Variants in MAGI2 observed in about 807,000 individuals in gnomAD.
MAGI2 encodes membrane-associated guanylate kinase, WW and PDZ domain-containing protein 2.
In MAGI2, 35 loss-of-function variants were observed where a neutral mutation model predicts 133.3. That is an observed-to-expected ratio of 0.26 (90% CI 0.20 to 0.35). The LOEUF (loss-of-function observed/expected upper bound fraction) is 0.35, where lower values mean the gene tolerates loss of function less well. MAGI2 is among the 10% of genes least tolerant of loss of function. The pLI is 1.00. For missense variants in MAGI2, 1,636 were observed against 1,863.4 expected (o/e 0.88, Z 2.25); for synonymous variants, 729 against 710.6 (o/e 1.03, Z -0.41).
chr7:78,618,043 T>C (rs1807298557), intron 3 of MAGI2: 1 of 151,998 alleles, frequency 6.6e-6, no homozygotes, highest in African/African-American at 2.4e-5. Flanking sequence ...GGACATCAGG[T>C]TATAGCTTTC....
intron 20 of MAGI2, among the ~76,000 whole-genome samples, chr7:78,083,565 C>A (rs761561553): frequency 3.3e-5 from 5 of 152,182 alleles, no homozygotes; most frequent in Non-Finnish European, 7.3e-5. Context: ...TCTAAGCACT[C>A]ATTTTTTTCC....
At chr7:78,258,204 G>A (rs1181071703) in intron 9 of MAGI2, among the ~76,000 whole-genome samples, 4 of 152,046 alleles carry the variant, frequency 2.6e-5, no homozygotes, top group African/African-American at 4.8e-5. Context: ...GTGGGTCCAC[G>A]GCTCAGAACT....
chr7:79,385,199 C>CG (rs1844088882), intron 1 of MAGI2, among the ~76,000 whole-genome samples: 1 of 151,512 alleles, frequency 6.6e-6, no homozygotes, highest in South Asian at 2.1e-4. Context: ...GACTAGAAGG[C>CG]GGTAAGGTGA....
At chr7:78,441,097 T>G (rs1474921003) in intron 6 of MAGI2, among the ~76,000 whole-genome samples, 3 of 152,222 alleles carry the variant, frequency 2.0e-5, no homozygotes, top group African/African-American at 7.2e-5. Context: ...TTTGTAATTT[T>G]GAATTATAAT....
rs1800471418 is a variant in MAGI2 at position 78,935,877 on chromosome 7, T to C, written c.418+71213A>G. Among the ~76,000 whole-genome samples the C allele has an allele frequency of 2.0e-5, 3 of 152,124 alleles. No individual in the cohort carries two copies. The South Asian group carries it at 6.2e-4, about 31-fold the overall frequency. The stretch of plus-strand genomic sequence containing the variant: ...GGCCCTACATGTCACTGAGACATGT[T>C]ATAATGTTCCAGAATTGCCCATTAT... On this transcript the variant is annotated intron_variant, in intron 2 of 21. Coordinates refer to ENST00000354212, the MANE Select transcript of MAGI2 (RefSeq NM_012301.4).
At chr7:79,218,531 A>T (rs1284729503) in intron 1 of MAGI2, among the ~76,000 whole-genome samples, 1 of 152,094 alleles carries the variant, frequency 6.6e-6, no homozygotes, top group East Asian at 1.9e-4. Flanking sequence ...AACCAAAGTG[A>T]TACATGTAAA....
At chr7:79,137,160 G>C (rs971103034) in intron 1 of MAGI2, among the ~76,000 whole-genome samples, 4 of 152,076 alleles carry the variant, frequency 2.6e-5, no homozygotes, top group African/African-American at 9.7e-5. Context: ...GGACTTCCCT[G>C]CTAGAAGAAA....
rs1849405223 is a variant in MAGI2, at chr7:79,453,072, C to T, written c.249G>A (p.Leu83=). The change falls in exon 1 of 22, where the codon CTG becomes CTA. Residue 83 remains leucine (L), a synonymous_variant. Coordinates refer to ENST00000354212, the MANE Select transcript of MAGI2 (RefSeq NM_012301.4). The part of the protein sequence containing the change: ...PVAGLTIRDV[L]AVIKHCKDPL... ...GGTCCTTGCAGTGTTTGATCACGGC[C>T]AGCACGTCCCTGATGGTGAGCCCCG... 1 of 1,612,548 alleles carries T rather than the reference C, an allele frequency of 6.2e-7. No individual in the cohort carries two copies. Among genetic ancestry groups the T allele is most frequent in the Non-Finnish European group, 8.5e-7 (1 of 1,179,462 alleles).
At chr7:78,666,998 T>C (rs527253015) in intron 2 of MAGI2, among the ~76,000 whole-genome samples, 10 of 152,262 alleles carry the variant, frequency 6.6e-5, no homozygotes, top group Middle Eastern at 6.8e-3. Context: ...TTTTAACTCA[T>C]TGCAAACATA....
intron 1 of MAGI2, among the ~76,000 whole-genome samples, chr7:79,112,990 A>C (rs990717915): frequency 1.3e-5 from 2 of 152,248 alleles, no homozygotes; most frequent in African/African-American, 4.8e-5. Flanking sequence ...AATTAAAAAA[A>C]TAATTTTTAG....
At chr7:78,437,904 C>T (rs1350914758) in intron 6 of MAGI2, among the ~76,000 whole-genome samples, 1 of 152,108 alleles carries the variant, frequency 6.6e-6, no homozygotes, top group Non-Finnish European at 1.5e-5. Flanking sequence ...TCATTGACTG[C>T]ACCTAATGAA....
At chr7:79,350,318 A>C (rs1477343834) in intron 1 of MAGI2, among the ~76,000 whole-genome samples, 1 of 152,124 alleles carries the variant, frequency 6.6e-6, no homozygotes, top group Admixed American at 6.6e-5. Context: ...ATGATACAAC[A>C]GTTTTTAGAA....
chr7:78,305,591 T>C (rs1414492612), intron 9 of MAGI2, among the ~76,000 whole-genome samples: 1 of 152,182 alleles, frequency 6.6e-6, no homozygotes, highest in East Asian at 1.9e-4. Flanking sequence ...TTGGTCACCA[T>C]CTCAGAATTT....
intron 2 of MAGI2, among the ~76,000 whole-genome samples, chr7:78,901,816 A>G (rs2151593801): frequency 6.6e-6 from 1 of 152,334 alleles, no homozygotes; most frequent in South Asian, 2.1e-4. Context: ...GAAACAAGCA[A>G]TTCTTTGACA....
At chr7:79,256,219 AG>A (rs1439581048) in intron 1 of MAGI2, among the ~76,000 whole-genome samples, 1 of 152,172 alleles carries the variant, frequency 6.6e-6, no homozygotes, top group East Asian at 1.9e-4. Flanking sequence ...GACACAAACA[AG>A]TAAGGGATTT....
chr7:79,218,302 A>G (rs1157565438), intron 1 of MAGI2, among the ~76,000 whole-genome samples: 1 of 152,044 alleles, frequency 6.6e-6, no homozygotes, highest in Admixed American at 6.5e-5. Flanking sequence ...AGTACCAAGC[A>G]GAGCACCTAG....
intron 2 of MAGI2, among the ~76,000 whole-genome samples, chr7:78,853,117 T>A (rs1217395503): frequency 2.0e-5 from 3 of 151,904 alleles, no homozygotes; most frequent in Non-Finnish European, 2.9e-5. Flanking sequence ...GGGTCAAGAA[T>A]GCAGCAGGAG....
At chr7:79,445,736 A>C (rs1018230633) in intron 1 of MAGI2, among the ~76,000 whole-genome samples, 1 of 152,188 alleles carries the variant, frequency 6.6e-6, no homozygotes, top group African/African-American at 2.4e-5. Flanking sequence ...AACTAGTTCA[A>C]CCATTGTGGA....
chr7:78,659,792 G>A (rs1260566626), intron 2 of MAGI2, among the ~76,000 whole-genome samples: 1 of 151,958 alleles, frequency 6.6e-6, no homozygotes, highest in Non-Finnish European at 1.5e-5. Flanking sequence ...TGGACAACTG[G>A]GTAAAGGATA....
Sources: allele counts gnomAD v4.1 joint callset (sites outside exome capture counted in the v4.1 genomes callset), GRCh38; gene constraint gnomAD v4.1.1; transcripts MANE v1.5; gene names NCBI Gene and HGNC (gene_info 2026-07-23, HGNC 2026-07-21).